Variants in GTF2A1L observed in about 807,000 individuals in gnomAD.
The protein encoded by GTF2A1L is general transcription factor IIA subunit 1 like.
In GTF2A1L, 48 loss-of-function variants were observed where a neutral mutation model predicts 49.7. The ratio of observed to expected loss-of-function variants is 0.97; its 90% confidence interval spans 0.77 to 1.23. The LOEUF (loss-of-function observed/expected upper bound fraction) is 1.23, where lower values mean the gene tolerates loss of function less well. Among genes scored for constraint, GTF2A1L ranks in the 50% most tolerant of loss-of-function variants. GTF2A1L has a pLI of 0.00. For missense variants in GTF2A1L, 736 were observed against 564.8 expected, an observed-to-expected ratio of 1.30 and a Z score of -3.07; for synonymous variants, 246 against 193.5, an observed-to-expected ratio of 1.27 and a Z score of -2.25.
intron 8 of GTF2A1L, among the ~76,000 whole-genome samples, chr2:48,672,924 T>G (rs1679251233): frequency 6.6e-6 from 1 of 152,224 alleles, no homozygotes; most frequent in East Asian, 1.9e-4. Context: ...TTTTTGTTTC[T>G]TAGTGCAGTA....
intron 4 of GTF2A1L, 76 bp downstream of exon 4, chr2:48,642,533 G>A (rs1291104734): frequency 3.1e-5 from 43 of 1,371,344 alleles, no homozygotes; most frequent in Non-Finnish European, 4.2e-5. Context: ...GCTGAACATA[G>A]ATGTAATTTC....
At chr2:48,643,605 A>T (rs1677324745) in intron 4 of GTF2A1L, among the ~76,000 whole-genome samples, 2 of 152,034 alleles carry the variant, frequency 1.3e-5, no homozygotes, top group African/African-American at 4.8e-5. Context: ...AAAAGTAAAA[A>T]TGGGCTGAGC....
At chr2:48,617,987 A>G in intron 1 of GTF2A1L, 92 bp downstream of exon 1, 1 of 1,285,078 alleles carries the variant, frequency 7.8e-7, no homozygotes, top group Non-Finnish European at 1.1e-6. Context: ...TCCCCCTGAC[A>G]CTTTACAGAT....
At position 48,629,891 on chromosome 2, in the gene GTF2A1L, T is replaced by C. The variant is rs148234806; in HGVS notation, c.247+8601T>C. Among the ~76,000 whole-genome samples, 154 of 144,502 alleles carry C rather than the reference T, an allele frequency of 1.1e-3. 12 individuals are homozygous for C. The highest frequency in any genetic ancestry group is 3.5e-3 in the African/African-American group (142 of 40,666). The allele number at this position is 144,502 out of a possible 152,430, so 94.8% of individuals were successfully genotyped here. A position where few individuals can be genotyped will look rare whatever the true frequency, so the allele number is the denominator to read the frequency against. On this transcript the variant is annotated intron_variant, in intron 3 of 8. Coordinates refer to ENST00000403751, the MANE Select transcript of GTF2A1L (RefSeq NM_006872.5). Reference sequence around the variant, plus strand: ...ACTAGGGAGTCCTTTCCCCGTTGCTTATTTTTGTCGACTTTGTCAAAGATC... The same window carrying C: ...ACTAGGGAGTCCTTTCCCCGTTGCTCATTTTTGTCGACTTTGTCAAAGATC...
chr2:48,652,466 A>C (rs1314962265), intron 6 of GTF2A1L, among the ~76,000 whole-genome samples: 1 of 151,420 alleles, frequency 6.6e-6, no homozygotes, highest in Non-Finnish European at 1.5e-5. Flanking sequence ...AAATACAAAA[A>C]TTAGCGGAGT....
intron 6 of GTF2A1L, among the ~76,000 whole-genome samples, chr2:48,659,158 C>T (rs1338978573): frequency 6.6e-6 from 1 of 152,114 alleles, no homozygotes; most frequent in Non-Finnish European, 1.5e-5. Context: ...GGTAACTATA[C>T]ACCTTGATAA....
chr2:48,670,618 T>G (rs1038497169), intron 7 of GTF2A1L, among the ~76,000 whole-genome samples: 1 of 152,150 alleles, frequency 6.6e-6, no homozygotes, highest in African/African-American at 2.4e-5. Context: ...TTAAAAAGTG[T>G]GTAAGTAGTA....
At chr2:48,642,721 G>A (rs1677268232) in intron 4 of GTF2A1L, among the ~76,000 whole-genome samples, 1 of 150,442 alleles carries the variant, frequency 6.6e-6, no homozygotes, top group Non-Finnish European at 1.5e-5. Context: ...TGGGTGTAGT[G>A]GTGGGCGCCT....
chr2:48,641,818 C>T (rs555856709), intron 3 of GTF2A1L, among the ~76,000 whole-genome samples: 8 of 152,186 alleles, frequency 5.3e-5, no homozygotes, highest in East Asian at 3.9e-4. Context: ...TAATGTAGGT[C>T]GAGTTGTCAT....
intron 3 of GTF2A1L, among the ~76,000 whole-genome samples, chr2:48,636,827 T>C (rs762294956): frequency 1.1e-4 from 17 of 152,136 alleles, no homozygotes; most frequent in Non-Finnish European, 2.2e-4. Flanking sequence ...CCTGGGCAAA[T>C]TGGGACGTGT....
chr2:48,646,563 G>T lies in GTF2A1L; in HGVS notation c.499G>T (p.Val167Leu). The change falls in exon 6 of 9, where the codon GTA (valine) becomes TTA (leucine). Residue 167 changes from valine (V) to leucine (L), a missense_variant. Val to Leu is a conservative substitution (Grantham distance 32). Coordinates refer to ENST00000403751, the MANE Select transcript of GTF2A1L (RefSeq NM_006872.5). ...ATTTCAACAGCTTGGCCAGCCTTCAGTAATACAAACTAGTGTTCCACAATT... is the reference window on the plus strand; with the variant it reads ...ATTTCAACAGCTTGGCCAGCCTTCATTAATACAAACTAGTGTTCCACAATT... ...QVFQQLGQPS[V>L]IQTSVPQLNP... is the part of the protein sequence containing the mutation. The T allele has an allele frequency of 6.2e-7, 1 of 1,614,108 alleles. No homozygotes were observed. Among genetic ancestry groups the T allele is most frequent in the Non-Finnish European group, 8.5e-7 (1 of 1,180,038 alleles).
intron 3 of GTF2A1L, among the ~76,000 whole-genome samples, chr2:48,637,258 T>A (rs906105761): frequency 6.6e-6 from 1 of 152,180 alleles, no homozygotes; most frequent in African/African-American, 2.4e-5. Context: ...CATAAAACTA[T>A]AACTGCCGCA....
rs553844203 is a variant in GTF2A1L at position 48,661,711 on chromosome 2, G to A, written c.979-8011G>A. Among the ~76,000 whole-genome samples, 3 of 151,806 alleles carry A rather than the reference G, an allele frequency of 2.0e-5. No individual in the cohort carries two copies. The East Asian group carries it at 5.8e-4, about 29-fold the overall frequency. On this transcript the variant is annotated intron_variant, in intron 6 of 8. Transcript: ENST00000403751. ...CCTAAAATCCATTTTTTTTCTGGTG[G>A]TAACATAGCCACTGCAGCTCTATTG...
At chr2:48,655,771 G>T (rs1174493236) in intron 6 of GTF2A1L, among the ~76,000 whole-genome samples, 1 of 151,896 alleles carries the variant, frequency 6.6e-6, no homozygotes, top group Non-Finnish European at 1.5e-5. Context: ...TCACATTGTT[G>T]TGTAGCTATC....
At chr2:48,671,035 T>C (rs1469904024) in intron 7 of GTF2A1L, among the ~76,000 whole-genome samples, 1 of 152,088 alleles carries the variant, frequency 6.6e-6, no homozygotes, top group African/African-American at 2.4e-5. Context: ...CTGGCCAAGC[T>C]GGTCTCGAAC....
chr2:48,666,812 C>A (rs547356529), intron 6 of GTF2A1L, among the ~76,000 whole-genome samples: 2 of 151,914 alleles, frequency 1.3e-5, no homozygotes, highest in African/African-American at 2.4e-5. Context: ...AACTTGTTAT[C>A]TGTGCTGAAA....
Position 48,642,267 on chromosome 2 carries a change from AATCAGGAAGTT to A in GTF2A1L, c.248-134_248-124del, listed in dbSNP as rs1180435162. 6.4e-5 allele frequency: 52 copies of A among 818,210 alleles called. No individual in the cohort carries two copies. In the Admixed American group the frequency reaches 1.1e-3, roughly 18 times the overall value. The allele number at this position is 818,210 out of a possible 1,614,324, so 50.7% of individuals were successfully genotyped here. A position where few individuals can be genotyped will look rare whatever the true frequency, so the allele number is the denominator to read the frequency against. ...TATAATTACTTTTTACCGCACTTGGAATCAGGAAGTTTAGAATTCACCATGGTTTAACCTGT... is the reference window on the plus strand; with the variant it reads ...TATAATTACTTTTTACCGCACTTGGATAGAATTCACCATGGTTTAACCTGT... On this transcript the variant is annotated intron_variant, in intron 3 of 8. Transcript: ENST00000403751.
chr2:48,671,173 G>T (rs1335270429), intron 7 of GTF2A1L, among the ~76,000 whole-genome samples: 1 of 151,680 alleles, frequency 6.6e-6, no homozygotes, highest in Non-Finnish European at 1.5e-5. Context: ...ATTATATTCT[G>T]CTGCTCTAGG....
intron 6 of GTF2A1L, 42 bp from the exon 7 acceptor site, chr2:48,669,680 C>T (rs905965754): frequency 4.5e-6 from 7 of 1,557,966 alleles, no homozygotes; most frequent in East Asian, 2.3e-5. Context: ...TTTTATATAC[C>T]TTATTTGACT....
Sources: allele counts gnomAD v4.1 joint callset (sites outside exome capture counted in the v4.1 genomes callset), GRCh38; gene constraint gnomAD v4.1.1; transcripts MANE v1.5; gene names NCBI Gene and HGNC (gene_info 2026-07-23, HGNC 2026-07-21).